HDAC4: variants seen among roughly 807,000 people sequenced by gnomAD.
HDAC4 encodes the protein histone deacetylase 4, also known as histone deacetylase A.
In HDAC4, 16 loss-of-function variants were observed where a neutral mutation model predicts 135.1. The observed-to-expected ratio is 0.12, with a 90% CI of 0.08 to 0.18. HDAC4 has a LOEUF of 0.18. HDAC4 is among the 10% of genes least tolerant of loss of function. The probability of loss-of-function intolerance (pLI) is 1.00; values close to 1 mark genes in which losing one functional copy is unlikely to be tolerated. For missense variants in HDAC4, 1,143 were observed against 1,511.8 expected (o/e 0.76, Z 4.05); for synonymous variants, 685 against 653.4 (o/e 1.05, Z -0.74).
chr2:239,234,711 A>G (rs2047782341), intron 3 of HDAC4, among the ~76,000 whole-genome samples: 1 of 152,166 alleles, frequency 6.6e-6, no homozygotes, highest in South Asian at 2.1e-4. Context: ...GGCGGGCCCC[A>G]GGTGCCCTCT....
In HDAC4 at chr2:239,051,393, CAAAAAT is replaced by C. The variant is rs2030825325; in HGVS notation, c.*1698_*1703del. On this transcript the variant is annotated 3_prime_UTR_variant, in exon 27 of 27. Transcript: ENST00000543185. ...AAAACTCATCGTACAAAAATAAAAA[CAAAAAT>C]AATTAAAAACCTTTGAAAGGTAAAA... The C allele has an allele frequency of 1.3e-5, 2 of 151,566 alleles. No homozygotes were observed. The highest frequency in any genetic ancestry group is 4.2e-4 in the South Asian group (2 of 4,794). The allele number at this position is 151,566 out of a possible 1,614,324, so 9.4% of individuals were successfully genotyped here.
At chr2:239,100,739 A>G (rs938199255) in intron 16 of HDAC4, among the ~76,000 whole-genome samples, 8 of 152,120 alleles carry the variant, frequency 5.3e-5, no homozygotes, top group Admixed American at 4.6e-4. Flanking sequence ...GGGCTGGTCA[A>G]ATCCACAGAG....
At chr2:239,343,021 C>T (rs1356596228) in intron 2 of HDAC4, among the ~76,000 whole-genome samples, 4 of 152,178 alleles carry the variant, frequency 2.6e-5, no homozygotes, top group Admixed American at 1.3e-4. Context: ...ATGAAAATAA[C>T]GCCCCAAGGC....
Position 239,307,946 on chromosome 2 carries a change from C to T in HDAC4, c.22+44732G>A, listed in dbSNP as rs886604544. Among the ~76,000 whole-genome samples the T allele has an allele frequency of 2.0e-5, 3 of 152,144 alleles. No homozygotes were observed. The highest frequency in any genetic ancestry group is 2.1e-4 in the South Asian group (1 of 4,824). On this transcript the variant is annotated intron_variant, in intron 2 of 26. Transcript: ENST00000543185. The surrounding 1 kb of genome is among the most constrained non-coding windows in gnomAD (Gnocchi z 4.8). ...CCACCTGAAAACGGAACACAAGGCC[C>T]GGCAGCAACAGCCAGCAAAGTGTCC...
At chr2:239,369,592 G>C (rs1694462535) in intron 1 of HDAC4, among the ~76,000 whole-genome samples, 1 of 152,164 alleles carries the variant, frequency 6.6e-6, no homozygotes, top group African/African-American at 2.4e-5. Flanking sequence ...AATTAAAACT[G>C]CTGCAGATAA....
At position 239,139,580 on chromosome 2, in the gene HDAC4, G is replaced by A. The variant is rs1466035083; in HGVS notation, c.978+104C>T. ...GGCCACTTTCCCTCACCCCAAATTG[G>A]AAGGTGAAGAGTGAAGGGCAAGTGC... On this transcript the variant is annotated intron_variant, in intron 9 of 26. Coordinates refer to ENST00000543185, the MANE Select transcript of HDAC4 (RefSeq NM_001378414.1). This position sits in a 1 kb window ranked among gnomAD's most constrained non-coding sequence, Gnocchi z 5.3. 3 of 1,048,552 alleles carry A rather than the reference G, an allele frequency of 2.9e-6. No homozygotes were observed. Among genetic ancestry groups the A allele is most frequent in the African/African-American group, 1.6e-5 (1 of 64,226 alleles). The allele number at this position is 1,048,552 out of a possible 1,614,324, so 65.0% of individuals were successfully genotyped here.
chr2:239,368,796 G>A (rs985257267), intron 1 of HDAC4, among the ~76,000 whole-genome samples: 5 of 152,216 alleles, frequency 3.3e-5, no homozygotes, highest in East Asian at 1.9e-4. Context: ...GCGTTCTTTC[G>A]GACCAAAGCA....
At position 239,130,775 on chromosome 2, in the gene HDAC4, C is replaced by T. The variant is rs77157815; in HGVS notation, c.1294+3470G>A. Among the ~76,000 whole-genome samples the T allele has an allele frequency of 3.1e-3, 474 of 152,308 alleles. 23 individuals carry two copies. The East Asian group carries it at 0.075, about 24-fold the overall frequency. ...CTTCTCCTCCACATGCCTGTACTACCAAGCTCCTCCTGGGTCTTGGGGGGC... is the reference window on the plus strand; with the variant it reads ...CTTCTCCTCCACATGCCTGTACTACTAAGCTCCTCCTGGGTCTTGGGGGGC... On this transcript the variant is annotated intron_variant, in intron 11 of 26. Transcript: ENST00000543185.
chr2:239,390,572 T>C (rs1696131031), intron 1 of HDAC4, among the ~76,000 whole-genome samples: 1 of 151,932 alleles, frequency 6.6e-6, no homozygotes, highest in South Asian at 2.1e-4. Flanking sequence ...TATATATATA[T>C]TGGAAGCCAC....
At chr2:239,109,057 G>T (rs1021257728) in intron 14 of HDAC4, among the ~76,000 whole-genome samples, 4 of 152,356 alleles carry the variant, frequency 2.6e-5, no homozygotes, top group African/African-American at 9.6e-5. Context: ...GGAAGGCCAG[G>T]TGGCCCTCCG....
At chr2:239,107,435 C>A (rs893634933) in intron 15 of HDAC4, among the ~76,000 whole-genome samples, 7 of 152,196 alleles carry the variant, frequency 4.6e-5, no homozygotes, top group Non-Finnish European at 7.3e-5. Flanking sequence ...GAAGCCTCCT[C>A]GTGTGACTCA....
intron 2 of HDAC4, among the ~76,000 whole-genome samples, chr2:239,253,230 G>A (rs2048883599): frequency 6.6e-6 from 1 of 152,188 alleles, no homozygotes; most frequent in Non-Finnish European, 1.5e-5. Context: ...AGAAAACACA[G>A]AAATTACATC....
intron 11 of HDAC4, 110 bp downstream of exon 11, chr2:239,134,135 G>T: frequency 2.5e-6 from 2 of 812,770 alleles, no homozygotes; most frequent in African/African-American, 1.7e-5. Context: ...AACTGTGGGG[G>T]TGGGACAGGC....
intron 1 of HDAC4, among the ~76,000 whole-genome samples, chr2:239,355,510 C>T (rs562843647): frequency 4.6e-4 from 70 of 152,332 alleles, no homozygotes; most frequent in African/African-American, 1.6e-3. Flanking sequence ...TCTTCTCACT[C>T]GGCCTAGTCC....
chr2:239,297,122 C>CAG (rs1368290950), intron 2 of HDAC4, among the ~76,000 whole-genome samples: 1 of 152,066 alleles, frequency 6.6e-6, no homozygotes, highest in Non-Finnish European at 1.5e-5. Context: ...GGTGGCTCCC[C>CAG]AGAAGCCTCT....
intron 17 of HDAC4, chr2:239,094,000 A>G: frequency 1.0e-6 from 1 of 985,422 alleles, no homozygotes; most frequent in Non-Finnish European, 1.2e-6. Context: ...ATTTTTATAA[A>G]AACTCAGGAA....
intron 24 of HDAC4, among the ~76,000 whole-genome samples, chr2:239,063,955 C>T (rs1026336001): frequency 1.3e-5 from 2 of 152,206 alleles, no homozygotes; most frequent in African/African-American, 4.8e-5. Context: ...CCTCCCTCAG[C>T]GGCTGCGCAT....
chr2:239,319,874 C>T (rs1050545656), intron 2 of HDAC4, among the ~76,000 whole-genome samples: 1 of 152,146 alleles, frequency 6.6e-6, no homozygotes, highest in Non-Finnish European at 1.5e-5. Flanking sequence ...TGTTTAGGAA[C>T]ATGTGCATGT....
intron 2 of HDAC4, among the ~76,000 whole-genome samples, chr2:239,344,946 G>A (rs1692518321): frequency 6.6e-6 from 1 of 152,116 alleles, no homozygotes; most frequent in South Asian, 2.1e-4. Flanking sequence ...GCCCACCGCA[G>A]GGGCCATGAA....
Sources: gnomAD v4.1 joint callset for allele counts (sites outside exome capture counted in the v4.1 genomes callset) on GRCh38, gnomAD v4.1.1 for gene constraint, Gnocchi (gnomAD v3.1) non-coding constraint, MANE v1.5 for transcripts, NCBI Gene and HGNC (gene_info 2026-07-23, HGNC 2026-07-21) for gene names.